Variants in CRIM1 observed in about 807,000 individuals in gnomAD.
The protein encoded by CRIM1 is cysteine-rich motor neuron 1 protein.
In CRIM1, 32 loss-of-function variants were observed where a neutral mutation model predicts 116.4. The observed-to-expected ratio is 0.27, with a 90% CI of 0.21 to 0.37. The LOEUF (loss-of-function observed/expected upper bound fraction) is 0.37. CRIM1 is among the 10% of genes least tolerant of loss of function. CRIM1 has a pLI of 1.00. For synonymous variants in CRIM1, 590 were observed against 509.2 expected, an observed-to-expected ratio of 1.16 and a Z score of -2.13; for missense variants, 1,331 against 1,354.8, an observed-to-expected ratio of 0.98 and a Z score of 0.28.
chr2:36,430,817 CTTTG>C (rs898061956), intron 2 of CRIM1, among the ~76,000 whole-genome samples: 2 of 152,274 alleles, frequency 1.3e-5, no homozygotes, highest in East Asian at 1.9e-4. Context: ...ACTGGGAGAT[CTTTG>C]TTTGTTTTTG....
intron 1 of CRIM1, among the ~76,000 whole-genome samples, chr2:36,390,804 A>T (rs1671516262): frequency 6.6e-6 from 1 of 151,956 alleles, no homozygotes; most frequent in South Asian, 2.1e-4. Context: ...TGCTCCTGAT[A>T]CTTATTTTTA....
At chr2:36,461,718 A>G (rs1199929275) in intron 4 of CRIM1, among the ~76,000 whole-genome samples, 3 of 152,328 alleles carry the variant, frequency 2.0e-5, no homozygotes, top group Middle Eastern at 6.8e-3. Flanking sequence ...ATGGGTCATG[A>G]TGGGGTCCCC....
chr2:36,465,888 T>A (rs374659019), intron 5 of CRIM1, among the ~76,000 whole-genome samples: 49 of 149,892 alleles, frequency 3.3e-4, no homozygotes, highest in African/African-American at 1.1e-3. Context: ...TCTTTAGTAT[T>A]CTTTTTTTTT....
chr2:36,513,458 A>G, intron 10 of CRIM1, 98 bp from the exon 11 acceptor site: 1 of 886,096 alleles, frequency 1.1e-6, no homozygotes. Flanking sequence ...GTTAGACGTA[A>G]TTGTTGGTGG....
At chr2:36,404,813 A>G (rs981818454) in intron 2 of CRIM1, among the ~76,000 whole-genome samples, 4 of 152,210 alleles carry the variant, frequency 2.6e-5, no homozygotes, top group Admixed American at 1.3e-4. Flanking sequence ...AAAAGCGCAG[A>G]TAACAGTTGC....
At position 36,493,273 on chromosome 2, in the gene CRIM1, G is replaced by GA. The variant is rs1324950579; in HGVS notation, c.1373-5936dup. 1.5e-3 allele frequency among the ~76,000 whole-genome samples: 226 copies of GA among 148,020 alleles called. 1 individual carries two copies. Among genetic ancestry groups the GA allele is most frequent in the African/African-American group, 4.8e-3 (192 of 40,372 alleles). On this transcript the variant is annotated intron_variant, in intron 7 of 16. Transcript: ENST00000280527. ...AAGAAGAAGAAAAATAAATAAAAAG[G>GA]AAAAAAAAAAGCATTGTTTTCTAGA...
chr2:36,396,641 T>C lies in CRIM1; in HGVS notation c.359T>C (p.Leu120Pro), dbSNP rs1672048529. 1 of 1,606,794 alleles carries C rather than the reference T, an allele frequency of 6.2e-7. No individual in the cohort carries two copies. ...GAGAACTGGACTGATGACCAACTGCTTGGTTTTAAACCATGCAATGAAAAC... is the reference window on the plus strand; with the variant it reads ...GAGAACTGGACTGATGACCAACTGCCTGGTTTTAAACCATGCAATGAAAAC... ...EDENWTDDQL[L>P]GFKPCNENLI... is the part of the protein sequence containing the mutation. Residue 120 changes from leucine to proline, a missense_variant, in exon 2 of 17, where the codon CTT becomes CCT. Physicochemically the swap from Leu to Pro is moderately conservative, Grantham distance 98. Transcript: ENST00000280527.
chr2:36,404,808 C>T (rs1268515956), intron 2 of CRIM1, among the ~76,000 whole-genome samples: 2 of 152,068 alleles, frequency 1.3e-5, no homozygotes, highest in Admixed American at 6.5e-5. Flanking sequence ...TTTTTAAAAG[C>T]GCAGATAACA....
chr2:36,504,418 T>G (rs1183953870), intron 8 of CRIM1, among the ~76,000 whole-genome samples: 1 of 152,234 alleles, frequency 6.6e-6, no homozygotes, highest in Non-Finnish European at 1.5e-5. Flanking sequence ...GCAGTCACAT[T>G]AGGATTGAAA....
chr2:36,511,235 C>T (rs890824863), intron 9 of CRIM1, among the ~76,000 whole-genome samples: 5 of 152,174 alleles, frequency 3.3e-5, no homozygotes, highest in Non-Finnish European at 5.9e-5. Context: ...GCCACTGTGC[C>T]TGGCCTAGTG....
intron 7 of CRIM1, among the ~76,000 whole-genome samples, chr2:36,498,930 C>T (rs1680791590): frequency 1.3e-5 from 2 of 152,222 alleles, no homozygotes; most frequent in Non-Finnish European, 2.9e-5. Context: ...TAACCTCTCT[C>T]GTCTGCTTCC....
rs192295593 is a variant in CRIM1 at position 36,473,219 on chromosome 2, A to G, written c.992-3670A>G. On this transcript the variant is annotated intron_variant, in intron 5 of 16. Transcript: ENST00000280527. ...GCGGTGAAAGTATTTTAGACATGCA[A>G]GGGGACATATTAAATGATTTGGGGA... Among the ~76,000 whole-genome samples, 407 of 152,308 alleles carry G rather than the reference A, an allele frequency of 2.7e-3. 5 individuals are homozygous for G. The highest frequency in any genetic ancestry group is 9.3e-3 in the African/African-American group (385 of 41,574).
chr2:36,380,903 C>T (rs895239356), intron 1 of CRIM1, among the ~76,000 whole-genome samples: 1 of 152,216 alleles, frequency 6.6e-6, no homozygotes. Context: ...AAAGATATCT[C>T]GACCATGTCT....
chr2:36,528,268 G>A lies in CRIM1; in HGVS notation c.2428+5955G>A, dbSNP rs139362376. 7.9e-5 allele frequency among the ~76,000 whole-genome samples: 12 copies of A among 152,192 alleles called. No individual in the cohort carries two copies. The East Asian group carries it at 2.3e-3, about 29-fold the overall frequency. On this transcript the variant is annotated intron_variant, in intron 13 of 16. Coordinates refer to ENST00000280527, the MANE Select transcript of CRIM1 (RefSeq NM_016441.3). ...ATAACATCTCAGTGATGAGCTTTTC[G>A]AGGCCGAGAATATCTTAGATAATGC...
At chr2:36,464,212 T>C (rs1322027753) in intron 4 of CRIM1, among the ~76,000 whole-genome samples, 2 of 152,206 alleles carry the variant, frequency 1.3e-5, no homozygotes, top group African/African-American at 4.8e-5. Context: ...AAGATGTCCC[T>C]GAGTCAGCCA....
At chr2:36,364,789 A>G (rs1033401487) in intron 1 of CRIM1, among the ~76,000 whole-genome samples, 3 of 152,112 alleles carry the variant, frequency 2.0e-5, no homozygotes, top group Non-Finnish European at 4.4e-5. Context: ...TGTAGTGAGG[A>G]TTAGAGATTT....
chr2:36,464,431 G>A (rs1040543559), intron 4 of CRIM1, 103 bp from the exon 5 acceptor site: 1 of 1,204,896 alleles, frequency 8.3e-7, no homozygotes, highest in Non-Finnish European at 1.2e-6. Context: ...GTGTCGTATA[G>A]ACCAGGTACT....
At chr2:36,459,405 C>G (rs1677410027) in intron 4 of CRIM1, among the ~76,000 whole-genome samples, 1 of 152,144 alleles carries the variant, frequency 6.6e-6, no homozygotes, top group African/African-American at 2.4e-5. Context: ...CATGGTCTAA[C>G]CCCTGACTTA....
At chr2:36,420,903 G>A (rs1674005860) in intron 2 of CRIM1, among the ~76,000 whole-genome samples, 1 of 152,160 alleles carries the variant, frequency 6.6e-6, no homozygotes, top group East Asian at 1.9e-4. Flanking sequence ...AGCCATTTAG[G>A]AAGCTAGTAC....
Sources: gnomAD v4.1 joint callset for allele counts (sites outside exome capture counted in the v4.1 genomes callset) on GRCh38, gnomAD v4.1.1 for gene constraint, MANE v1.5 for transcripts, NCBI Gene and HGNC (gene_info 2026-07-23, HGNC 2026-07-21) for gene names.